Variants in PRDM9 observed in about 807,000 individuals in gnomAD.
PRDM9 encodes PR/SET domain 9.
PRDM9 carries 47 observed loss-of-function variants against 55.6 expected under a neutral mutation model. The observed-to-expected ratio is 0.85, with a 90% CI of 0.67 to 1.08. The LOEUF (loss-of-function observed/expected upper bound fraction) is 1.08, where lower values mean the gene tolerates loss of function less well. Ranked by LOEUF, PRDM9 falls within the 50% of genes least tolerant of loss-of-function variation. PRDM9 has a pLI of 0.00. For missense variants in PRDM9, 867 were observed against 1,040.3 expected (o/e 0.83, Z 2.29); for synonymous variants, 312 against 375.7 (o/e 0.83, Z 1.96).
At chr5:23,525,603 C>T (rs1205917726) in intron 10 of PRDM9, among the ~76,000 whole-genome samples, 2 of 152,154 alleles carry the variant, frequency 1.3e-5, no homozygotes, top group Non-Finnish European at 2.9e-5. Flanking sequence ...ACCTGAATCC[C>T]ACTTCCTGAT....
At position 23,523,040 on chromosome 5, in the gene PRDM9, T is replaced by A. The variant is rs538040033; in HGVS notation, c.882+155T>A. ...TTTGCATGAACACGGAACTCCTATT[T>A]AGAGATCAGAGGTTACATGGGAGCA... On this transcript the variant is annotated intron_variant, in intron 8 of 10. Coordinates refer to ENST00000296682, the MANE Select transcript of PRDM9 (RefSeq NM_020227.4). 1.7e-3 allele frequency among the ~76,000 whole-genome samples: 265 copies of A among 152,262 alleles called. 1 individual carries two copies. The highest frequency in any genetic ancestry group is 6.2e-3 in the African/African-American group (259 of 41,548).
chr5:23,525,620 C>G (rs1202641384), intron 10 of PRDM9, among the ~76,000 whole-genome samples: 1 of 151,948 alleles, frequency 6.6e-6, no homozygotes, highest in Admixed American at 6.5e-5. Context: ...TGATGGAGAA[C>G]CAGGCACATA....
Position 23,527,606 on chromosome 5 carries a change from G to A in PRDM9, c.2518G>A (p.Gly840Ser), listed in dbSNP as rs1465387341. The stretch of plus-strand genomic sequence containing the variant: ...CTATGTCTGCAGGGAGTGTGGGCGG[G>A]GCTTTCGCAATAAGTCACACCTCCT... ...KPYVCRECGR[G>S]FRNKSHLLRH... Residue 840 changes from glycine (G) to serine (S), a missense_variant, in exon 11 of 11, where the codon GGC becomes AGC. Transcript: ENST00000296682. 14 of 1,511,262 alleles carry A rather than the reference G, an allele frequency of 9.3e-6. No homozygotes were observed. Among genetic ancestry groups the A allele is most frequent in the Non-Finnish European group, 1.2e-5 (14 of 1,126,168 alleles). 93.6% of individuals were successfully genotyped at this position (1,511,262 alleles called of 1,614,324 possible). A position where few individuals can be genotyped will look rare whatever the true frequency, so the allele number is the denominator to read the frequency against.
chr5:23,507,318 G>A (rs1430255586), upstream of PRDM9: 1 of 152,376 alleles, frequency 6.6e-6, no homozygotes, highest in Non-Finnish European at 1.5e-5. Flanking sequence ...CCGGAGTTGG[G>A]GAAAACCAAG....
chr5:23,527,129 A>C lies in PRDM9; in HGVS notation c.2041A>C (p.Thr681Pro). 7 of 410,788 alleles carry C rather than the reference A, an allele frequency of 1.7e-5. No individual in the cohort carries two copies. Among genetic ancestry groups the C allele is most frequent in the Non-Finnish European group, 3.0e-5 (7 of 230,056 alleles). The allele number at this position is 410,788 out of a possible 1,614,324, so 25.4% of individuals were successfully genotyped here. Residue 681 changes from threonine to proline, a missense_variant, in exon 11 of 11, where the codon ACT (threonine) becomes CCT (proline). This residue lies in a region of PRDM9 where 92 missense variants were observed against 185.7 expected (regional missense o/e 0.50). Coordinates refer to ENST00000296682, the MANE Select transcript of PRDM9 (RefSeq NM_020227.4). ...RGFSWQSVLL[T>P]HQRTHTGEKP... ...CTTTAGCTGGCAGTCAGTCCTCCTC[A>C]CTCACCAGAGGACACACACAGGGGA...
In PRDM9 at chr5:23,524,491, G is replaced by C. The variant is rs527518989; in HGVS notation, c.1108G>C (p.Gly370Arg). 10 of 1,613,884 alleles carry C rather than the reference G, an allele frequency of 6.2e-6. No individual in the cohort carries two copies. The South Asian group carries it at 1.1e-4, about 18-fold the overall frequency. The change falls in exon 10 of 11, where the codon GGC (glycine) becomes CGC (arginine). Residue 370 changes from glycine to arginine, a missense_variant. Physicochemically the swap from Gly to Arg is moderately radical, Grantham distance 125. This residue lies in a region of PRDM9 where 662 missense variants were observed against 711.9 expected (regional missense o/e 0.93). Coordinates refer to ENST00000296682, the MANE Select transcript of PRDM9 (RefSeq NM_020227.4). The stretch of plus-strand genomic sequence containing the variant: ...CGGCCAGGAACTGGGCATCAAGTGG[G>C]GCAGCAAGTGGAAGAAAGAGCTCAT... The part of the protein sequence containing the change: ...EYGQELGIKW[G>R]SKWKKELMAG...
intron 5 of PRDM9, among the ~76,000 whole-genome samples, chr5:23,519,895 T>A (rs1425368401): frequency 1.3e-5 from 2 of 150,580 alleles, no homozygotes; most frequent in Non-Finnish European, 3.0e-5. Context: ...ACTACAAAAA[T>A]CAGCTGGGCA....
rs1739368639 is a variant in PRDM9, at chr5:23,523,210, G to T, written c.883-81G>T. ...CAGCTGAAGCTATGCAGGCCCAAAGGCCATTGACGACAGTGGAGTAAAATA... is the reference window on the plus strand; with the variant it reads ...CAGCTGAAGCTATGCAGGCCCAAAGTCCATTGACGACAGTGGAGTAAAATA... On this transcript the variant is annotated intron_variant, in intron 8 of 10. Transcript: ENST00000296682. 13 of 1,490,550 alleles carry T rather than the reference G, an allele frequency of 8.7e-6. No homozygotes were observed. In the East Asian group the frequency reaches 2.5e-4, roughly 28 times the overall value. 92.3% of individuals were successfully genotyped at this position (1,490,550 alleles called of 1,614,324 possible). A position where few individuals can be genotyped will look rare whatever the true frequency, so the allele number is the denominator to read the frequency against.
intron 4 of PRDM9, among the ~76,000 whole-genome samples, chr5:23,510,662 A>ATGG (rs1407780936): frequency 6.7e-6 from 1 of 149,390 alleles, no homozygotes; most frequent in Non-Finnish European, 1.5e-5. Context: ...GATGATGATG[A>ATGG]TGATGATGGT....
intron 5 of PRDM9, among the ~76,000 whole-genome samples, chr5:23,518,844 G>T (rs554081308): frequency 6.6e-6 from 1 of 152,208 alleles, no homozygotes; most frequent in Non-Finnish European, 1.5e-5. Context: ...CTCTTCAGGA[G>T]TCTGGTCCAT....
chr5:23,511,493 G>A (rs1056497230), intron 4 of PRDM9, among the ~76,000 whole-genome samples: 4 of 152,066 alleles, frequency 2.6e-5, no homozygotes, highest in Non-Finnish European at 5.9e-5. Flanking sequence ...CTACAGGCAT[G>A]TGCCACCACG....
In PRDM9 at chr5:23,520,053, A is replaced by AT. The variant is rs1008644348; in HGVS notation, c.352-970_352-969insT. ...AGTGAGACTCCCTCTCAAAAAAATA[A>AT]AAAAAAAAAAGAATTAGCATGGTCT... On this transcript the variant is annotated intron_variant, in intron 5 of 10. Transcript: ENST00000296682. Among the ~76,000 whole-genome samples, 14 of 145,548 alleles carry AT rather than the reference A, an allele frequency of 9.6e-5. 1 individual carries two copies. The highest frequency in any genetic ancestry group is 1.3e-4 in the African/African-American group (5 of 39,310).
chr5:23,517,967 C>T (rs754543432), intron 5 of PRDM9, 37 bp downstream of exon 5: 2 of 1,523,612 alleles, frequency 1.3e-6, no homozygotes, highest in African/African-American at 1.4e-5. Flanking sequence ...AAGAAACCTT[C>T]CTCATGGATC....
chr5:23,525,108 C>T (rs945631976), intron 10 of PRDM9, among the ~76,000 whole-genome samples: 1 of 152,144 alleles, frequency 6.6e-6, no homozygotes, highest in African/African-American at 2.4e-5. Flanking sequence ...CCTGGGGATC[C>T]GTGTGAGGTG....
Position 23,523,146 on chromosome 5 carries a change from A to T in PRDM9, c.883-145A>T, listed in dbSNP as rs1739367715. 30 of 1,108,652 alleles carry T rather than the reference A, an allele frequency of 2.7e-5. No individual in the cohort carries two copies. The South Asian group carries it at 3.5e-4, about 13-fold the overall frequency. The allele number at this position is 1,108,652 out of a possible 1,614,324, so 68.7% of individuals were successfully genotyped here. On this transcript the variant is annotated intron_variant, in intron 8 of 10. Transcript: ENST00000296682. ...GACAAACCAACTCAGATGTGTAGAT[A>T]GATGATGACTAAGGTGCATACCATG...
At chr5:23,526,054 T>A (rs756760329) in intron 10 of PRDM9, among the ~76,000 whole-genome samples, 179 bp from the exon 11 acceptor site, 2 of 152,140 alleles carry the variant, frequency 1.3e-5, no homozygotes, top group Non-Finnish European at 1.5e-5. Flanking sequence ...TTTTTTAAGA[T>A]GTAGTGAATA....
At chr5:23,523,135 G>A (rs539863229) in intron 8 of PRDM9, among the ~76,000 whole-genome samples, 156 bp from the exon 9 acceptor site, 2 of 152,330 alleles carry the variant, frequency 1.3e-5, no homozygotes, top group African/African-American at 2.4e-5. Flanking sequence ...AACCAACTCA[G>A]ATGTGTAGAT....
At chr5:23,512,972 G>A (rs1266968898) in intron 4 of PRDM9, among the ~76,000 whole-genome samples, 1 of 152,040 alleles carries the variant, frequency 6.6e-6, no homozygotes, top group Non-Finnish European at 1.5e-5. Flanking sequence ...CTTTTTTAAG[G>A]CTGAATAATA....
chr5:23,515,659 A>G (rs549693147), intron 4 of PRDM9, among the ~76,000 whole-genome samples: 27 of 152,258 alleles, frequency 1.8e-4, no homozygotes, highest in African/African-American at 6.5e-4. Context: ...TTTACATTTC[A>G]GTCTTTAATC....
Sources: gnomAD v4.1 joint callset for allele counts (sites outside exome capture counted in the v4.1 genomes callset) on GRCh38, gnomAD v4.1.1 for gene constraint, gnomAD v4.1.1 regional missense constraint, MANE v1.5 for transcripts, NCBI Gene and HGNC (gene_info 2026-07-23, HGNC 2026-07-21) for gene names.